The following PCDHA1 variants were observed in gnomAD, a reference collection of about 807,000 sequenced individuals.
PCDHA1 encodes protocadherin alpha-1.
A neutral mutation model predicts 61.3 loss-of-function variants in PCDHA1; 42 were observed. That is an observed-to-expected ratio of 0.69 (90% CI 0.54 to 0.89). The LOEUF is 0.89. Among genes scored for constraint, PCDHA1 ranks in the 40% least tolerant of loss-of-function variants. The pLI is 0.00. For missense variants in PCDHA1, 1,256 were observed against 1,235.3 expected (o/e 1.02, Z -0.25); for synonymous variants, 610 against 553.8 (o/e 1.10, Z -1.43).
At chr5:140,882,802 C>T (rs782615396) in intron 1 of PCDHA1, 21 of 1,614,206 alleles carry the variant, frequency 1.3e-5, no homozygotes, top group Non-Finnish European at 1.5e-5. Context: ...ACGATTATTT[C>T]ACTTTGGACG....
chr5:140,801,539 G>C, intron 1 of PCDHA1: 1 of 1,614,262 alleles, frequency 6.2e-7, no homozygotes, highest in Non-Finnish European at 8.5e-7. Context: ...ACAGGCCGCT[G>C]CAGGTTTTCC....
At chr5:140,857,245 C>T (rs1411907706) in intron 1 of PCDHA1, 5 of 1,598,612 alleles carry the variant, frequency 3.1e-6, no homozygotes, top group Non-Finnish European at 4.3e-6. Context: ...TGGTGTCCAC[C>T]TACAAGAATT....
At chr5:140,897,758 C>T (rs2066305789) in intron 1 of PCDHA1, among the ~76,000 whole-genome samples, 3 of 152,140 alleles carry the variant, frequency 2.0e-5, no homozygotes, top group Non-Finnish European at 4.4e-5. Context: ...CCTGAGGAAT[C>T]GCCACACTGA....
At chr5:140,991,247 T>C (rs1211585397) in intron 3 of PCDHA1, among the ~76,000 whole-genome samples, 1 of 152,200 alleles carries the variant, frequency 6.6e-6, no homozygotes, top group Non-Finnish European at 1.5e-5. Flanking sequence ...AAAGGCAGTA[T>C]TTGAACTCAT....
chr5:140,882,152 GA>G, intron 1 of PCDHA1: 1 of 1,505,314 alleles, frequency 6.6e-7, no homozygotes, highest in East Asian at 2.3e-5. Flanking sequence ...GCAGAAAGCG[GA>G]ATACCTCTTG....
chr5:140,935,389 C>T (rs559765340), intron 1 of PCDHA1, among the ~76,000 whole-genome samples: 20 of 152,288 alleles, frequency 1.3e-4, no homozygotes, highest in African/African-American at 4.8e-4. Flanking sequence ...CATTTGTTAT[C>T]CCACGGGACT....
At chr5:140,840,556 G>A (rs1378989097) in intron 1 of PCDHA1, among the ~76,000 whole-genome samples, 4 of 152,028 alleles carry the variant, frequency 2.6e-5, no homozygotes, top group Non-Finnish European at 5.9e-5. Flanking sequence ...TGGCAATACT[G>A]CTAGAGTTTG....
At chr5:140,924,209 A>T (rs1470255016) in intron 1 of PCDHA1, among the ~76,000 whole-genome samples, 1 of 152,242 alleles carries the variant, frequency 6.6e-6, no homozygotes, top group Non-Finnish European at 1.5e-5. Flanking sequence ...AAATTTGGTG[A>T]AGAATAAGTT....
At chr5:140,989,598 TA>T (rs1554250927) in intron 3 of PCDHA1, among the ~76,000 whole-genome samples, 1 of 152,144 alleles carries the variant, frequency 6.6e-6, no homozygotes, top group Non-Finnish European at 1.5e-5. Flanking sequence ...CTGACACAAG[TA>T]AACTAAAAAT....
In PCDHA1 at chr5:140,879,581, G is replaced by A. The variant is rs537126502; in HGVS notation, c.2394+90897G>A. On this transcript the variant is annotated intron_variant, in intron 1 of 3. Transcript: ENST00000504120. ...ATGAAAGAATAAAATTGCCAAGACA[G>A]ACATTGAAAAGTGAAAAACAATGTG... Among the ~76,000 whole-genome samples the A allele has an allele frequency of 2.6e-5, 4 of 152,334 alleles. No individual in the cohort carries two copies. In the East Asian group the frequency reaches 7.7e-4, roughly 29 times the overall value.
chr5:140,828,219 C>A (rs2150152527), intron 1 of PCDHA1: 4 of 1,614,022 alleles, frequency 2.5e-6, no homozygotes, highest in East Asian at 2.2e-5. Context: ...AAACACGGCA[C>A]CTTCGTGGGC....
At chr5:140,863,489 C>T (rs1032120656) in intron 1 of PCDHA1, 20 of 450,876 alleles carry the variant, frequency 4.4e-5, no homozygotes, top group Non-Finnish European at 8.4e-5. Context: ...CCAAGGTCAA[C>T]ATTACGGCTT....
intron 1 of PCDHA1, chr5:140,796,158 G>A (rs782303215): frequency 3.1e-6 from 5 of 1,614,208 alleles, no homozygotes; most frequent in Non-Finnish European, 3.4e-6. Context: ...TCAAGCTGGT[G>A]TCCACCTTCA....
chr5:140,854,061 C>A, intron 1 of PCDHA1: 1 of 279,894 alleles, frequency 3.6e-6, no homozygotes, highest in Non-Finnish European at 5.4e-6. Flanking sequence ...ACTCAGGAGG[C>A]TGAGGCGAGA....
Position 140,801,774 on chromosome 5 carries a change from G to A in PCDHA1, c.2394+13090G>A, listed in dbSNP as rs143901113. 325 of 1,613,884 alleles carry A rather than the reference G, an allele frequency of 2.0e-4. No homozygotes were observed. In the African/African-American group the frequency reaches 3.5e-3, roughly 17 times the overall value. On this transcript the variant is annotated intron_variant, in intron 1 of 3. Transcript: ENST00000504120. ...AAATGATGAGGAAATTAAATCCCTT[G>A]GACTCGTGTTGAAAAAAAATTTAAA... is the stretch of plus-strand genomic sequence containing the variant.
chr5:140,926,548 A>C, intron 1 of PCDHA1: 1 of 226,392 alleles, frequency 4.4e-6, no homozygotes, highest in Non-Finnish European at 8.5e-6. Flanking sequence ...GGTGGTCGAG[A>C]CCCCAGCCCG....
At chr5:140,832,957 G>A in intron 1 of PCDHA1, among the ~76,000 whole-genome samples, 1 of 152,166 alleles carries the variant, frequency 6.6e-6, no homozygotes, top group Non-Finnish European at 1.5e-5. Flanking sequence ...TGAGTATACA[G>A]AAAATTCCAA....
chr5:140,926,797 T>C (rs2153584735), intron 1 of PCDHA1: 2 of 1,450,476 alleles, frequency 1.4e-6, no homozygotes, highest in Admixed American at 2.7e-5. Flanking sequence ...AGGAGCGTGC[T>C]CTTCCCCGCG....
In PCDHA1 at chr5:140,803,551, G is replaced by A. The variant is rs374412215; in HGVS notation, c.2394+14867G>A. 3.6e-5 allele frequency: 58 copies of A among 1,614,242 alleles called. No individual in the cohort carries two copies. The African/African-American group carries it at 4.8e-4, about 13-fold the overall frequency. ...CCTCCTTGTCCAATTAGCCGGGATAGAGAGGAGAAACAGGATGTGGACGTT... is the reference window on the plus strand; with the variant it reads ...CCTCCTTGTCCAATTAGCCGGGATAAAGAGGAGAAACAGGATGTGGACGTT... On this transcript the variant is annotated intron_variant, in intron 1 of 3. Transcript: ENST00000504120.
Sources: allele counts gnomAD v4.1 joint callset (sites outside exome capture counted in the v4.1 genomes callset), GRCh38; gene constraint gnomAD v4.1.1; transcripts MANE v1.5; gene names NCBI Gene and HGNC (gene_info 2026-07-23, HGNC 2026-07-21).